Variants in PTBP2 observed in about 807,000 individuals in gnomAD.
PTBP2 encodes polypyrimidine tract-binding protein 2.
PTBP2 carries 13 observed loss-of-function variants against 61.4 expected under a neutral mutation model. The ratio of observed to expected loss-of-function variants is 0.21; its 90% CI spans 0.14 to 0.34. PTBP2 has a LOEUF of 0.34. PTBP2 is among the 10% of genes least tolerant of loss of function. The pLI is 1.00. For missense variants in PTBP2, 405 were observed against 642.6 expected, an observed-to-expected ratio of 0.63 and a Z score of 4.00; for synonymous variants, 215 against 218.5, an observed-to-expected ratio of 0.98 and a Z score of 0.14.
Position 96,813,526 on chromosome 1 carries a change from T to G in PTBP2, c.*121T>G. 1 of 1,013,788 alleles carries G rather than the reference T, an allele frequency of 9.9e-7. No individual in the cohort carries two copies. Among genetic ancestry groups the G allele is most frequent in the Non-Finnish European group, 1.4e-6 (1 of 737,668 alleles). The allele number at this position is 1,013,788 out of a possible 1,614,324, so 62.8% of individuals were successfully genotyped here. On this transcript the variant is annotated 3_prime_UTR_variant, in exon 14 of 14. Transcript: ENST00000674951. ...TGTTTTTGTTTTTTTGGGGTTTCTT[T>G]TTTTTTTCCATGCTGTTATCATTCC...
At chr1:96,793,963 G>A (rs1260461917) in intron 8 of PTBP2, among the ~76,000 whole-genome samples, 1 of 152,082 alleles carries the variant, frequency 6.6e-6, no homozygotes, top group African/African-American at 2.4e-5. Flanking sequence ...ATTACTATAG[G>A]ACTATAAAAT....
At chr1:96,755,493 A>G (rs1329096962) in intron 3 of PTBP2, among the ~76,000 whole-genome samples, 1 of 152,192 alleles carries the variant, frequency 6.6e-6, no homozygotes, top group Non-Finnish European at 1.5e-5. Context: ...ACCCAAGAGA[A>G]AAGAAGGCAT....
intron 2 of PTBP2, among the ~76,000 whole-genome samples, chr1:96,731,448 G>A (rs1354416965): frequency 1.3e-5 from 2 of 152,032 alleles, no homozygotes; most frequent in East Asian, 3.9e-4. Flanking sequence ...CATTTTCTGT[G>A]AACTGCCTGT....
intron 2 of PTBP2, among the ~76,000 whole-genome samples, chr1:96,725,553 T>G (rs1365363079): frequency 1.3e-5 from 2 of 152,066 alleles, no homozygotes; most frequent in African/African-American, 4.8e-5. Context: ...ACCAGTTTTT[T>G]GTTAGTTGTT....
intron 3 of PTBP2, among the ~76,000 whole-genome samples, chr1:96,764,281 T>C (rs1656397632): frequency 6.6e-6 from 1 of 152,244 alleles, no homozygotes; most frequent in African/African-American, 2.4e-5. Flanking sequence ...GGACATTTTC[T>C]AATGAATTGG....
chr1:96,791,837 T>TTTTTTTG (rs1659860315), intron 8 of PTBP2, among the ~76,000 whole-genome samples: 1 of 136,860 alleles, frequency 7.3e-6, no homozygotes. Context: ...TTTTTTTTTT[T>TTTTTTTG]TTTTTTTTTT....
rs1406021399 is a variant in PTBP2, at chr1:96,814,448, T to TTATG, written c.*1045_*1048dup. ...ACTGACAACCAGGTGGGACCAAAGT[T>TTATG]TATGTGCCTTTAGTCTTAATTTACC... On this transcript the variant is annotated 3_prime_UTR_variant, in exon 14 of 14. Coordinates refer to ENST00000674951, the MANE Select transcript of PTBP2 (RefSeq NM_021190.4). 6.6e-6 allele frequency: 1 copy of TTATG among 152,554 alleles called. No individual in the cohort carries two copies. The highest frequency in any genetic ancestry group is 1.5e-5 in the Non-Finnish European group (1 of 67,970). The allele number at this position is 152,554 out of a possible 1,614,324, so 9.5% of individuals were successfully genotyped here.
chr1:96,799,027 T>A (rs758063702), intron 8 of PTBP2, among the ~76,000 whole-genome samples: 10 of 152,138 alleles, frequency 6.6e-5, no homozygotes, highest in Admixed American at 1.3e-4. Context: ...TTATATCACT[T>A]CTCTCTGGAC....
chr1:96,724,922 G>A (rs937398608), intron 2 of PTBP2, among the ~76,000 whole-genome samples: 4 of 152,142 alleles, frequency 2.6e-5, no homozygotes, highest in African/African-American at 4.8e-5. Context: ...GGATGGTACT[G>A]TGTTTTCTTG....
At chr1:96,819,157 C>G (rs1480395797), downstream of PTBP2, 2 of 151,886 alleles carry the variant, frequency 1.3e-5, no homozygotes, top group African/African-American at 4.8e-5. Context: ...TGAAATGATA[C>G]TCAGGTCATT....
intron 2 of PTBP2, among the ~76,000 whole-genome samples, chr1:96,731,934 G>A (rs1651473516): frequency 6.6e-6 from 1 of 152,134 alleles, no homozygotes. Context: ...TGAAATGACT[G>A]TAGAATAATT....
chr1:96,737,482 AAGG>A (rs1022037449), intron 2 of PTBP2, among the ~76,000 whole-genome samples: 7 of 152,142 alleles, frequency 4.6e-5, no homozygotes, highest in Non-Finnish European at 1.0e-4. Context: ...GGCAAAAAAA[AAGG>A]AAAGACACAA....
At chr1:96,823,704 A>G (rs1402039185) in exon 14 of PTBP2, 4 of 152,040 alleles carry the variant, frequency 2.6e-5, no homozygotes, top group Admixed American at 6.6e-5. Context: ...CCAATTTTTT[A>G]TATATATAAA....
intron 8 of PTBP2, among the ~76,000 whole-genome samples, chr1:96,793,482 G>A (rs1373623709): frequency 3.9e-5 from 6 of 151,978 alleles, no homozygotes; most frequent in Non-Finnish European, 7.4e-5. Flanking sequence ...CCATTCTGCC[G>A]CCTCAGCCTC....
intron 8 of PTBP2, among the ~76,000 whole-genome samples, chr1:96,797,380 G>T (rs1294128386): frequency 2.6e-5 from 4 of 152,194 alleles, no homozygotes; most frequent in Non-Finnish European, 5.9e-5. Context: ...AAGTGTAGTT[G>T]TTAGTGGTAG....
At chr1:96,740,371 T>A (rs973022649) in intron 2 of PTBP2, among the ~76,000 whole-genome samples, 4 of 152,126 alleles carry the variant, frequency 2.6e-5, no homozygotes, top group Non-Finnish European at 5.9e-5. Context: ...TGAGCACACT[T>A]TGGGGGAGTG....
intron 2 of PTBP2, among the ~76,000 whole-genome samples, chr1:96,741,611 TG>T (rs1653042249): frequency 6.6e-6 from 1 of 152,190 alleles, no homozygotes. Context: ...CTCTCTGACC[TG>T]TTTTTTTTAC....
chr1:96,797,724 T>C (rs961297631), intron 8 of PTBP2, among the ~76,000 whole-genome samples: 2 of 152,174 alleles, frequency 1.3e-5, no homozygotes, highest in South Asian at 4.1e-4. Context: ...CTTTAAATCA[T>C]CTCTAGATTA....
rs535491667 is a variant in PTBP2 at position 96,738,870 on chromosome 1, CTCAT to C, written c.40-12554_40-12551del. ...TTTCCTAGTATTTTATGTCTAGTAA[CTCAT>C]AAGGAAAAAATGATCAGATAAGTAT... On this transcript the variant is annotated intron_variant, in intron 2 of 13. Transcript: ENST00000674951. Among the ~76,000 whole-genome samples the C allele has an allele frequency of 2.9e-3, 442 of 152,138 alleles. 2 individuals are homozygous for C. Among genetic ancestry groups the C allele is most frequent in the African/African-American group, 0.01 (432 of 41,514 alleles).
Sources: gnomAD v4.1 joint callset for allele counts (sites outside exome capture counted in the v4.1 genomes callset) on GRCh38, gnomAD v4.1.1 for gene constraint, MANE v1.5 for transcripts, NCBI Gene and HGNC (gene_info 2026-07-23, HGNC 2026-07-21) for gene names.